The following INPP4B variants were observed in gnomAD, a reference collection of about 807,000 sequenced individuals.
INPP4B encodes inositol polyphosphate 4-phosphatase type II.
In INPP4B, 55 loss-of-function variants were observed where a neutral mutation model predicts 122.5. The observed-to-expected ratio is 0.45, with a 90% CI of 0.36 to 0.56. The LOEUF is 0.56. Ranked by LOEUF, INPP4B falls within the 20% of genes least tolerant of loss-of-function variation. INPP4B has a pLI of 0.00. For synonymous variants in INPP4B, 403 were observed against 388.7 expected (o/e 1.04, Z -0.43); for missense variants, 1,000 against 1,097.7 (o/e 0.91, Z 1.26).
chr4:142,724,175 T>C (rs1765053804), intron 2 of INPP4B, among the ~76,000 whole-genome samples: 1 of 152,202 alleles, frequency 6.6e-6, no homozygotes, highest in Non-Finnish European at 1.5e-5. Context: ...TCCCTCACCC[T>C]AAGTCTTCCT....
At chr4:142,773,700 T>A (rs1198616537) in intron 1 of INPP4B, among the ~76,000 whole-genome samples, 1 of 152,198 alleles carries the variant, frequency 6.6e-6, no homozygotes, top group African/African-American at 2.4e-5. Flanking sequence ...TTTTAAAGCA[T>A]GAGTCACAAA....
intron 2 of INPP4B, among the ~76,000 whole-genome samples, chr4:142,521,006 C>T (rs894745095): frequency 6.6e-6 from 1 of 151,844 alleles, no homozygotes; most frequent in African/African-American, 2.4e-5. Flanking sequence ...TGACCCCAAA[C>T]CTACATTAAG....
At chr4:142,090,927 A>G (rs1278424175) in intron 23 of INPP4B, among the ~76,000 whole-genome samples, 2 of 152,202 alleles carry the variant, frequency 1.3e-5, no homozygotes, top group Admixed American at 1.3e-4. Flanking sequence ...ATTGAGCAAA[A>G]AAGCACAAAT....
At chr4:142,831,931 A>G (rs1782190845) in intron 1 of INPP4B, among the ~76,000 whole-genome samples, 1 of 152,196 alleles carries the variant, frequency 6.6e-6, no homozygotes, top group Non-Finnish European at 1.5e-5. Flanking sequence ...GTAAGTAGCT[A>G]TGGTACAAAT....
intron 2 of INPP4B, among the ~76,000 whole-genome samples, chr4:142,491,727 C>G (rs976564): frequency 0.36 from 54,260 of 151,960 alleles, 12,148 homozygotes; most frequent in African/African-American, 0.61. Flanking sequence ...TGAACAACAG[C>G]TATATGAAAA....
chr4:142,159,397 C>T (rs1818895491), intron 17 of INPP4B, among the ~76,000 whole-genome samples: 2 of 151,986 alleles, frequency 1.3e-5, no homozygotes. Context: ...TTGGAGCCCA[C>T]CTCTGTCATT....
At chr4:142,270,058 A>C (rs1745000148) in intron 10 of INPP4B, among the ~76,000 whole-genome samples, 1 of 152,202 alleles carries the variant, frequency 6.6e-6, no homozygotes, top group African/African-American at 2.4e-5. Context: ...AGAAAGAAAG[A>C]AAGAATCCTG....
chr4:142,823,948 C>T (rs776115093), intron 1 of INPP4B, among the ~76,000 whole-genome samples: 1 of 152,066 alleles, frequency 6.6e-6, no homozygotes, highest in Non-Finnish European at 1.5e-5. Flanking sequence ...TAAAAAAGAT[C>T]GACCCTCACC....
In INPP4B at chr4:142,842,127, C is replaced by T. The variant is rs1055166756; in HGVS notation, c.-254+4082G>A. Among the ~76,000 whole-genome samples, 5 of 151,826 alleles carry T rather than the reference C, an allele frequency of 3.3e-5. No individual in the cohort carries two copies. The East Asian group carries it at 9.6e-4, about 29-fold the overall frequency. On this transcript the variant is annotated intron_variant, in intron 1 of 25. Transcript: ENST00000262992. ...AAACCACATGATTTGAAAAACTTCT[C>T]AAAATTTCCTTTAATCAGTTTAAAC...
intron 1 of INPP4B, chr4:142,765,905 C>G (rs1772051205): frequency 6.6e-6 from 1 of 151,056 alleles, no homozygotes; most frequent in African/African-American, 2.4e-5. Flanking sequence ...TTCCAGCTAA[C>G]AAGGTGCTAT....
chr4:142,452,493 T>C (rs1475377762), intron 3 of INPP4B, among the ~76,000 whole-genome samples: 1 of 152,162 alleles, frequency 6.6e-6, no homozygotes, highest in Non-Finnish European at 1.5e-5. Flanking sequence ...AGGGCTTAGC[T>C]AAATCTTTAA....
At chr4:142,630,890 C>G (rs1747791575) in intron 2 of INPP4B, among the ~76,000 whole-genome samples, 1 of 152,042 alleles carries the variant, frequency 6.6e-6, no homozygotes, top group African/African-American at 2.4e-5. Context: ...CATCTCTTTA[C>G]TGGGACCGCA....
intron 2 of INPP4B, among the ~76,000 whole-genome samples, chr4:142,482,285 T>C (rs1054221102): frequency 1.3e-5 from 2 of 152,150 alleles, no homozygotes; most frequent in African/African-American, 4.8e-5. Flanking sequence ...GCTTCCTATG[T>C]ATGGTAAGCC....
intron 18 of INPP4B, among the ~76,000 whole-genome samples, chr4:142,142,251 T>C (rs1261678710): frequency 6.6e-6 from 1 of 152,138 alleles, no homozygotes; most frequent in Non-Finnish European, 1.5e-5. Flanking sequence ...TATTTTGGAA[T>C]ATAGTAACAT....
At chr4:142,079,052 G>A (rs758088191) in intron 25 of INPP4B, among the ~76,000 whole-genome samples, 23 of 151,964 alleles carry the variant, frequency 1.5e-4, no homozygotes, top group Admixed American at 4.6e-4. Context: ...TAATCCATGT[G>A]AGGTCTAAAC....
At chr4:142,624,242 T>G (rs545224890) in intron 2 of INPP4B, among the ~76,000 whole-genome samples, 2 of 151,984 alleles carry the variant, frequency 1.3e-5, no homozygotes, top group African/African-American at 2.4e-5. Context: ...GTTTCCTGAC[T>G]TTTTAATGAT....
chr4:142,363,597 T>C (rs1222610978), intron 7 of INPP4B, among the ~76,000 whole-genome samples: 1 of 151,974 alleles, frequency 6.6e-6, no homozygotes, highest in African/African-American at 2.4e-5. Flanking sequence ...ATGTCACTTG[T>C]CTAAAGAAAT....
intron 2 of INPP4B, among the ~76,000 whole-genome samples, chr4:142,700,352 G>T (rs1290731137): frequency 6.6e-6 from 1 of 152,054 alleles, no homozygotes; most frequent in African/African-American, 2.4e-5. Flanking sequence ...ACATTTTATG[G>T]CTTCTCTTTT....
At chr4:142,808,650 C>T (rs1779139614) in intron 1 of INPP4B, among the ~76,000 whole-genome samples, 1 of 152,154 alleles carries the variant, frequency 6.6e-6, no homozygotes, top group African/African-American at 2.4e-5. Flanking sequence ...TAGCCTTTGA[C>T]AATGCAAACA....
Sources: gnomAD v4.1 joint callset for allele counts (sites outside exome capture counted in the v4.1 genomes callset) on GRCh38, gnomAD v4.1.1 for gene constraint, MANE v1.5 for transcripts, NCBI Gene and HGNC (gene_info 2026-07-23, HGNC 2026-07-21) for gene names.